The following CDH13 variants were observed in gnomAD, a reference collection of about 807,000 sequenced individuals.
CDH13 encodes cadherin-13.
CDH13 carries 24 observed loss-of-function variants against 63.8 expected under a neutral mutation model. That is an observed-to-expected ratio of 0.38 (90% CI 0.27 to 0.53). The LOEUF (loss-of-function observed/expected upper bound fraction) is 0.53, where lower values mean the gene tolerates loss of function less well. Ranked by LOEUF, CDH13 falls within the 20% of genes least tolerant of loss-of-function variation. The pLI is 0.85. For missense variants in CDH13, 1,049 were observed against 903.1 expected, an observed-to-expected ratio of 1.16 and a Z score of -2.07; for synonymous variants, 503 against 355.3, an observed-to-expected ratio of 1.42 and a Z score of -4.67.
At chr16:82,779,069 G>C (rs1472057902) in intron 1 of CDH13, among the ~76,000 whole-genome samples, 1 of 152,190 alleles carries the variant, frequency 6.6e-6, no homozygotes. Flanking sequence ...TGTAAAGTTA[G>C]GGTGGGAGGG....
intron 3 of CDH13, among the ~76,000 whole-genome samples, chr16:83,105,104 C>A (rs997759895): frequency 1.1e-4 from 17 of 152,112 alleles, no homozygotes; most frequent in African/African-American, 4.1e-4. Flanking sequence ...CACCCGTCAA[C>A]CCATCACCTA....
At chr16:83,654,697 G>A (rs1004096773) in intron 8 of CDH13, 5 of 152,138 alleles carry the variant, frequency 3.3e-5, no homozygotes, top group South Asian at 2.1e-4. Flanking sequence ...CTGTACTTTC[G>A]TCTCCAGGCA....
At chr16:83,569,422 T>G (rs529832995) in intron 7 of CDH13, among the ~76,000 whole-genome samples, 15 of 152,326 alleles carry the variant, frequency 9.8e-5, no homozygotes, top group African/African-American at 3.1e-4. Flanking sequence ...GGGAGTAACT[T>G]TAGACAATTT....
intron 3 of CDH13, among the ~76,000 whole-genome samples, chr16:83,118,200 G>A (rs905381654): frequency 2.0e-5 from 3 of 152,146 alleles, no homozygotes; most frequent in East Asian, 1.9e-4. Flanking sequence ...TGTTGGTGGC[G>A]GCCCCAGAAC....
intron 3 of CDH13, among the ~76,000 whole-genome samples, chr16:83,078,836 C>T (rs2033035903): frequency 6.6e-6 from 1 of 152,022 alleles, no homozygotes; most frequent in Non-Finnish European, 1.5e-5. Context: ...TGTTGTCAGC[C>T]CGGGCTGGAG....
chr16:82,666,257 G>A (rs1912571697), intron 1 of CDH13, among the ~76,000 whole-genome samples: 1 of 152,194 alleles, frequency 6.6e-6, no homozygotes, highest in South Asian at 2.1e-4. Flanking sequence ...ACAGGGGAAT[G>A]GAAGGCTTAG....
intron 8 of CDH13, among the ~76,000 whole-genome samples, chr16:83,628,357 C>T (rs1910503151): frequency 6.6e-6 from 1 of 152,192 alleles, no homozygotes; most frequent in African/African-American, 2.4e-5. Context: ...GTCTGCCCAC[C>T]TCAGCCTCCT....
At chr16:82,701,229 C>T (rs1007004077) in intron 1 of CDH13, among the ~76,000 whole-genome samples, 7 of 152,030 alleles carry the variant, frequency 4.6e-5, no homozygotes, top group African/African-American at 1.7e-4. Flanking sequence ...TTCTCAAATC[C>T]ACATCTCCTT....
chr16:83,008,266 A>G (rs1393398239), intron 2 of CDH13, among the ~76,000 whole-genome samples: 2 of 152,360 alleles, frequency 1.3e-5, no homozygotes, highest in African/African-American at 4.8e-5. Flanking sequence ...GTAAACATGT[A>G]TTGAAATGTT....
At chr16:83,300,317 G>A (rs1413232728) in intron 5 of CDH13, among the ~76,000 whole-genome samples, 1 of 152,248 alleles carries the variant, frequency 6.6e-6, no homozygotes, top group Non-Finnish European at 1.5e-5. Context: ...GTGACATGAA[G>A]AGATAGGTCA....
chr16:82,909,199 G>C (rs2041745918), intron 2 of CDH13, among the ~76,000 whole-genome samples: 1 of 151,568 alleles, frequency 6.6e-6, no homozygotes, highest in Non-Finnish European at 1.5e-5. Context: ...TTCAATCCAT[G>C]ATTGGTCAAA....
At chr16:82,780,152 G>C (rs1266685801) in intron 1 of CDH13, among the ~76,000 whole-genome samples, 2 of 152,070 alleles carry the variant, frequency 1.3e-5, no homozygotes, top group African/African-American at 2.4e-5. Context: ...TTGCTTGTAG[G>C]AATGGGGGTG....
intron 2 of CDH13, among the ~76,000 whole-genome samples, chr16:82,887,336 A>C (rs1241396502): frequency 6.6e-6 from 1 of 152,228 alleles, no homozygotes; most frequent in Non-Finnish European, 1.5e-5. Flanking sequence ...AGAATGGGAA[A>C]GGGAATGGTG....
intron 4 of CDH13, among the ~76,000 whole-genome samples, chr16:83,195,509 G>C (rs1242995344): frequency 6.6e-6 from 1 of 152,008 alleles, no homozygotes; most frequent in African/African-American, 2.4e-5. Flanking sequence ...AGAGAGATGG[G>C]GGAGGTGCTA....
intron 1 of CDH13, among the ~76,000 whole-genome samples, chr16:82,746,639 C>T (rs930171230): frequency 6.6e-6 from 1 of 151,810 alleles, no homozygotes; most frequent in Admixed American, 6.6e-5. Context: ...AGAAATTAAT[C>T]CACTTATTTT....
chr16:83,191,638 C>A (rs1160507991), intron 4 of CDH13, among the ~76,000 whole-genome samples: 2 of 150,228 alleles, frequency 1.3e-5, no homozygotes, highest in East Asian at 3.9e-4. Context: ...AGGCCATCTG[C>A]AAGCTGAGGA....
At chr16:82,949,083 G>A (rs1363527491) in intron 2 of CDH13, among the ~76,000 whole-genome samples, 2 of 152,138 alleles carry the variant, frequency 1.3e-5, no homozygotes, top group African/African-American at 4.8e-5. Context: ...TTGAATGAGG[G>A]GATGTATTAG....
At chr16:83,321,379 T>C (rs1362264827) in intron 5 of CDH13, among the ~76,000 whole-genome samples, 1 of 152,190 alleles carries the variant, frequency 6.6e-6, no homozygotes, top group Non-Finnish European at 1.5e-5. Flanking sequence ...TCACTCACCC[T>C]TCATTGGCAT....
At chr16:83,428,323 T>C (rs900491322) in intron 6 of CDH13, among the ~76,000 whole-genome samples, 4 of 151,918 alleles carry the variant, frequency 2.6e-5, no homozygotes, top group African/African-American at 7.2e-5. Flanking sequence ...TTTAAAAACA[T>C]TGGAAACATA....
Sources: gnomAD v4.1 joint callset for allele counts (sites outside exome capture counted in the v4.1 genomes callset) on GRCh38, gnomAD v4.1.1 for gene constraint, MANE v1.5 for transcripts, NCBI Gene and HGNC (gene_info 2026-07-23, HGNC 2026-07-21) for gene names.